The following SLC15A5 variants were observed in gnomAD, a reference collection of about 807,000 sequenced individuals.
SLC15A5 encodes the protein Peptide/histidine transporter ENSP00000340402.
In SLC15A5, 58 loss-of-function variants were observed where a neutral mutation model predicts 56.1. The observed-to-expected ratio is 1.03, with a 90% confidence interval of 0.84 to 1.29. The LOEUF (loss-of-function observed/expected upper bound fraction) is 1.29, where lower values mean the gene tolerates loss of function less well. Ranked by LOEUF, SLC15A5 falls within the 50% of genes most tolerant of loss-of-function variation. The pLI is 0.00. For missense variants in SLC15A5, 681 were observed against 672.1 expected, an observed-to-expected ratio of 1.01 and a Z score of -0.15; for synonymous variants, 264 against 250.5, an observed-to-expected ratio of 1.05 and a Z score of -0.51.
chr12:16,258,985 T>C (rs1864608774), intron 2 of SLC15A5, among the ~76,000 whole-genome samples: 1 of 95,772 alleles, frequency 1.0e-5, no homozygotes, highest in South Asian at 2.9e-4. Flanking sequence ...CCACATCTTC[T>C]TTTTCTTTTT....
chr12:16,257,607 G>T, intron 3 of SLC15A5, 94 bp downstream of exon 3: 1 of 1,034,064 alleles, frequency 9.7e-7, no homozygotes, highest in Non-Finnish European at 1.3e-6. Context: ...CAAATTCTGA[G>T]TTGAAAGAGA....
rs116024332 is a variant in SLC15A5, at chr12:16,255,653, T to C, written c.754+2048A>G. Among the ~76,000 whole-genome samples the C allele has an allele frequency of 1.6e-3, 239 of 152,224 alleles. 2 individuals carry two copies. Among genetic ancestry groups the C allele is most frequent in the African/African-American group, 5.4e-3 (226 of 41,556 alleles). The stretch of plus-strand genomic sequence containing the variant: ...AAGCAAAGAGAAACATGCACCAAGC[T>C]ATTTGTTAGAATCTACTTAATATGG... On this transcript the variant is annotated intron_variant, in intron 3 of 8. Coordinates refer to ENST00000344941, the MANE Select transcript of SLC15A5 (RefSeq NM_001170798.1).
rs1864432246 is a variant in SLC15A5 at position 16,243,489 on chromosome 12, G to A, written c.975+1091C>T. Among the ~76,000 whole-genome samples, 1 of 152,266 alleles carries A rather than the reference G, an allele frequency of 6.6e-6. No homozygotes were observed. The highest frequency in any genetic ancestry group is 2.1e-4 in the South Asian group (1 of 4,824). ...CTCCCAAAGTGCTGGGATTACAGGT[G>A]TAAGCCACCACGCTGGGCTAAATTT... On this transcript the variant is annotated intron_variant, in intron 4 of 8. Transcript: ENST00000344941. The surrounding 1 kb of genome is among the most constrained non-coding windows in gnomAD (Gnocchi z 4.4).
intron 1 of SLC15A5, among the ~76,000 whole-genome samples, chr12:16,275,771 T>A (rs1864811466): frequency 6.6e-6 from 1 of 152,070 alleles, no homozygotes; most frequent in African/African-American, 2.4e-5. Flanking sequence ...GTCTGATGAC[T>A]GACCTCAGAA....
rs377048178 is a variant in SLC15A5, at chr12:16,194,406, A to AGAG, written c.1530_1531insCTC (p.Phe510_Phe511insLeu). The AGAG allele has an allele frequency of 7.9e-4, 1,218 of 1,535,532 alleles. 10 individuals carry two copies. The African/African-American group carries it at 0.015, about 18-fold the overall frequency. On this transcript the variant is annotated inframe_insertion, in exon 8 of 9. Coordinates refer to ENST00000344941, the MANE Select transcript of SLC15A5 (RefSeq NM_001170798.1). ...AATGTTAATGATGCCAGGAAGAAGA[A>AGAG]GAAGCTTTCTAAATTGCCTTTGTTT...
intron 3 of SLC15A5, among the ~76,000 whole-genome samples, chr12:16,248,085 C>T (rs1864480364): frequency 6.6e-6 from 1 of 151,848 alleles, no homozygotes; most frequent in South Asian, 2.1e-4. Context: ...TACTTTTTTC[C>T]CCCTTAAACA....
At chr12:16,276,212 C>T (rs554926525) in intron 1 of SLC15A5, among the ~76,000 whole-genome samples, 2 of 151,950 alleles carry the variant, frequency 1.3e-5, no homozygotes, top group Non-Finnish European at 2.9e-5. Context: ...TGTGAAGTTT[C>T]CAGGTTTGAC....
At chr12:16,220,935 C>T (rs932573124) in intron 6 of SLC15A5, among the ~76,000 whole-genome samples, 5 of 151,952 alleles carry the variant, frequency 3.3e-5, no homozygotes, top group African/African-American at 7.3e-5. Context: ...CTGAGGTGTA[C>T]GCTGCTACAA....
In SLC15A5 at chr12:16,239,673, G is replaced by A. The variant is rs1314949842; in HGVS notation, c.1162+8C>T. 6.5e-7 allele frequency: 1 copy of A among 1,535,250 alleles called. No homozygotes were observed. Among genetic ancestry groups the A allele is most frequent in the African/African-American group, 1.4e-5 (1 of 72,992 alleles). ...ACGATTCGCATGAAATGGTTAAATT[G>A]TACTTACTGATGCATGTTGACAGAA... On this transcript the variant is annotated splice_region_variant and intron_variant, in intron 5 of 8. Coordinates refer to ENST00000344941, the MANE Select transcript of SLC15A5 (RefSeq NM_001170798.1).
rs149262710 is a variant in SLC15A5 at position 16,213,656 on chromosome 12, T to C, written c.1483+3237A>G. 1.8e-3 allele frequency among the ~76,000 whole-genome samples: 274 copies of C among 152,342 alleles called. 6 individuals carry two copies. The East Asian group carries it at 0.028, about 16-fold the overall frequency. On this transcript the variant is annotated intron_variant, in intron 7 of 8. Transcript: ENST00000344941. Reference sequence around the variant, plus strand: ...CTATGATTGTGATTTATTGGGATTATAATTTGATATAACACAATATTATTA... The same window carrying C: ...CTATGATTGTGATTTATTGGGATTACAATTTGATATAACACAATATTATTA...
intron 5 of SLC15A5, among the ~76,000 whole-genome samples, chr12:16,239,375 A>C (rs1192747788): frequency 6.6e-6 from 1 of 152,220 alleles, no homozygotes; most frequent in Non-Finnish European, 1.5e-5. Context: ...TATTTGACAT[A>C]GACTTAAGGG....
chr12:16,188,994 T>G lies in SLC15A5; in HGVS notation c.*674A>C, dbSNP rs1489857088. The G allele has an allele frequency of 6.8e-6, 1 of 148,134 alleles. No individual in the cohort carries two copies. Among genetic ancestry groups the G allele is most frequent in the East Asian group, 1.9e-4 (1 of 5,198 alleles). 9.2% of individuals were successfully genotyped at this position (148,134 alleles called of 1,614,324 possible). A position where few individuals can be genotyped will look rare whatever the true frequency, so the allele number is the denominator to read the frequency against. On this transcript the variant is annotated 3_prime_UTR_variant, in exon 9 of 9. Transcript: ENST00000344941. The stretch of plus-strand genomic sequence containing the variant: ...TTACCCTCCTCTCAGCCCCCTCATT[T>G]TATCTTCCCTAATTTCCTTCTTTCT...
rs1356405241 is a variant in SLC15A5 at position 16,216,885 on chromosome 12, A to G, written c.1483+8T>C. The G allele has an allele frequency of 1.3e-6, 2 of 1,534,172 alleles. No homozygotes were observed. Among genetic ancestry groups the G allele is most frequent in the African/African-American group, 1.4e-5 (1 of 72,840 alleles). ...ATGTATATAAGCATGCCACGAACCT[A>G]TTTTTACCATCTGAGATGAGATATA... On this transcript the variant is annotated splice_region_variant and intron_variant, in intron 7 of 8. Transcript: ENST00000344941.
At position 16,271,512 on chromosome 12, in the gene SLC15A5, A is replaced by G. The variant is rs978237215; in HGVS notation, c.584+1049T>C. Among the ~76,000 whole-genome samples, 3 of 152,120 alleles carry G rather than the reference A, an allele frequency of 2.0e-5. No homozygotes were observed. The highest frequency in any genetic ancestry group is 4.4e-5 in the Non-Finnish European group (3 of 68,016). ...GACTGCATTGTTCTCTGACATTAGG[A>G]CTTAATCCAAAATAGGGCTGAGTGC... On this transcript the variant is annotated intron_variant, in intron 2 of 8. Transcript: ENST00000344941. This position sits in a 1 kb window ranked among gnomAD's most constrained non-coding sequence, Gnocchi z 8.0.
At chr12:16,257,614 G>A in intron 3 of SLC15A5, 87 bp downstream of exon 3, 2 of 1,082,650 alleles carry the variant, frequency 1.8e-6, no homozygotes, top group East Asian at 6.3e-5. Flanking sequence ...TGAGTTGAAA[G>A]AGAAGTTATA....
intron 5 of SLC15A5, among the ~76,000 whole-genome samples, chr12:16,238,629 CAAA>C (rs36053667): frequency 1.7e-5 from 2 of 116,084 alleles, no homozygotes; most frequent in African/African-American, 3.4e-5. Context: ...GACTCCGTCT[CAAA>C]AAAAAAAAAA....
chr12:16,229,096 C>T (rs1183158993), intron 5 of SLC15A5, among the ~76,000 whole-genome samples: 1 of 152,168 alleles, frequency 6.6e-6, no homozygotes, highest in Non-Finnish European at 1.5e-5. Context: ...TTCTTGTTTC[C>T]ACTCTTGTCC....
chr12:16,227,436 T>C (rs1864253268), intron 5 of SLC15A5, among the ~76,000 whole-genome samples: 1 of 152,212 alleles, frequency 6.6e-6, no homozygotes, highest in East Asian at 1.9e-4. Context: ...AAAGAGTCTG[T>C]TCCATTGCAG....
In SLC15A5 at chr12:16,269,118, A is replaced by G. The variant is rs1263979010; in HGVS notation, c.584+3443T>C. On this transcript the variant is annotated intron_variant, in intron 2 of 8. Coordinates refer to ENST00000344941, the MANE Select transcript of SLC15A5 (RefSeq NM_001170798.1). This position sits in a 1 kb window ranked among gnomAD's most constrained non-coding sequence, Gnocchi z 4.7. Reference sequence around the variant, plus strand: ...CAGAATTCTGGCCTCCAGAGCTGTGAAAAATAAATTTCTACTATTTATAAG... The same window carrying G: ...CAGAATTCTGGCCTCCAGAGCTGTGGAAAATAAATTTCTACTATTTATAAG... 6.6e-6 allele frequency among the ~76,000 whole-genome samples: 1 copy of G among 152,188 alleles called. No individual in the cohort carries two copies. The highest frequency in any genetic ancestry group is 1.5e-5 in the Non-Finnish European group (1 of 68,042).
Sources: gnomAD v4.1 joint callset for allele counts (sites outside exome capture counted in the v4.1 genomes callset) on GRCh38, gnomAD v4.1.1 for gene constraint, Gnocchi (gnomAD v3.1) non-coding constraint, MANE v1.5 for transcripts, NCBI Gene and HGNC (gene_info 2026-07-23, HGNC 2026-07-21) for gene names.